MIEF2: variants seen among roughly 807,000 people sequenced by gnomAD.
MIEF2 encodes the protein mitochondrial elongation factor 2.
A neutral mutation model predicts 7.4 loss-of-function variants in MIEF2; 1 was observed. The observed-to-expected ratio is 0.14, with a 90% CI of 0.05 to 0.64. The LOEUF (loss-of-function observed/expected upper bound fraction) is 0.64, where lower values mean the gene tolerates loss of function less well. Ranked by LOEUF, MIEF2 falls within the 30% of genes least tolerant of loss-of-function variation. MIEF2 has a pLI of 0.85. For missense variants in MIEF2, 569 were observed against 623.9 expected (o/e 0.91, Z 0.94); for synonymous variants, 275 against 290.5 (o/e 0.95, Z 0.54).
chr17:18,263,271 T>C (rs1597938374), intron 3 of MIEF2, 23 bp downstream of exon 3: 2 of 1,613,714 alleles, frequency 1.2e-6, no homozygotes, highest in Non-Finnish European at 1.7e-6. Context: ...CCTTCCCCTC[T>C]TTTGGTGTCA....
Position 18,262,742 on chromosome 17 carries a change from C to T in MIEF2, c.22C>T (p.Arg8Trp), listed in dbSNP as rs778070950. The change falls in exon 2 of 4, where the codon CGG becomes TGG. Residue 8 changes from arginine (R) to tryptophan (W), a missense_variant. Physicochemically the swap from Arg to Trp is moderately radical, Grantham distance 101 (BLOSUM62 -3). Transcript: ENST00000323019. Reference sequence around the variant, plus strand: ...GACCATGGCAGAGTTCTCCCAGAAACGGGGGAAGCGGCGTAGCGACGAAGG... The same window carrying T: ...GACCATGGCAGAGTTCTCCCAGAAATGGGGGAAGCGGCGTAGCGACGAAGG... MAEFSQKRGKRRSDEGLG... is the reference protein window; with the variant it reads MAEFSQKWGKRRSDEGLG... 34 of 1,607,876 alleles carry T rather than the reference C, an allele frequency of 2.1e-5. No homozygotes were observed. Among genetic ancestry groups the T allele is most frequent in the African/African-American group, 5.3e-5 (4 of 74,872 alleles).
chr17:18,263,799 T>G lies in MIEF2; in HGVS notation c.400T>G (p.Phe134Val), dbSNP rs1005362433. 2 of 1,610,246 alleles carry G rather than the reference T, an allele frequency of 1.2e-6. No individual in the cohort carries two copies. The highest frequency in any genetic ancestry group is 2.7e-5 in the African/African-American group (2 of 74,934). ...GACACTGCAGGAGAGGCTGCTGGCC[T>G]TCGAGCGGGACCGTGTGACCATCCC... Reference protein sequence around the residue: ...CLTLQERLLAFERDRVTIPAA... With the variant: ...CLTLQERLLAVERDRVTIPAA... Residue 134 changes from phenylalanine to valine, a missense_variant, in exon 4 of 4, where the codon TTC (phenylalanine) becomes GTC (valine). Coordinates refer to ENST00000323019, the MANE Select transcript of MIEF2 (RefSeq NM_139162.4).
intron 1 of MIEF2, 148 bp downstream of exon 1, chr17:18,260,885 T>TC: frequency 1.8e-6 from 1 of 562,506 alleles, no homozygotes; most frequent in Non-Finnish European, 3.2e-6. Context: ...AGCGTTCGAA[T>TC]CCTAGCCCAG....
chr17:18,261,451 G>C (rs1978412279), intron 1 of MIEF2, among the ~76,000 whole-genome samples: 1 of 152,222 alleles, frequency 6.6e-6, no homozygotes, highest in African/African-American at 2.4e-5. Context: ...TGGCAGGGCA[G>C]GTAGAAGTCC....
At position 18,265,411 on chromosome 17, in the gene MIEF2, T is replaced by TG. The variant is rs1387295748; in HGVS notation, c.*648dup. 1 of 152,350 alleles carries TG rather than the reference T, an allele frequency of 6.6e-6. No individual in the cohort carries two copies. Among genetic ancestry groups the TG allele is most frequent in the African/African-American group, 2.4e-5 (1 of 41,410 alleles). The allele number at this position is 152,350 out of a possible 1,614,324, so 9.4% of individuals were successfully genotyped here. ...AAGGCCCTTTTTCCCTCCAGCCAGG[T>TG]GAGTGTTTTCTTCAGGCAGCTGAGG... is the stretch of plus-strand genomic sequence containing the variant. On this transcript the variant is annotated 3_prime_UTR_variant, in exon 4 of 4. Transcript: ENST00000323019.
chr17:18,265,778 A>G lies in MIEF2; in HGVS notation c.*1014A>G, dbSNP rs1480466558. 1 of 152,506 alleles carries G rather than the reference A, an allele frequency of 6.6e-6. No individual in the cohort carries two copies. The highest frequency in any genetic ancestry group is 1.5e-5 in the Non-Finnish European group (1 of 68,054). 9.4% of individuals were successfully genotyped at this position (152,506 alleles called of 1,614,324 possible). The stretch of plus-strand genomic sequence containing the variant: ...AAAAGGAAAAAATTCTAATGTATAT[A>G]TAACTCAGGCTGGATAAGGGAGTCT... On this transcript the variant is annotated 3_prime_UTR_variant, in exon 4 of 4. Coordinates refer to ENST00000323019, the MANE Select transcript of MIEF2 (RefSeq NM_139162.4).
Position 18,262,865 on chromosome 17 carries a change from C to T in MIEF2, c.145C>T (p.Arg49Trp), listed in dbSNP as rs148638315. The T allele has an allele frequency of 4.6e-6, 7 of 1,536,956 alleles. No homozygotes were observed. Among genetic ancestry groups the T allele is most frequent in the East Asian group, 2.3e-5 (1 of 44,062 alleles). The change falls in exon 2 of 4, where the codon CGG (arginine) becomes TGG (tryptophan). Residue 49 changes from arginine to tryptophan, a missense_variant and splice_region_variant. Coordinates refer to ENST00000323019, the MANE Select transcript of MIEF2 (RefSeq NM_139162.4). ...GGGCATTGCCACCCTGGCCGTGAAG[C>T]GGGTAAGGCCAAGTGGGCGGGTCAT... is the stretch of plus-strand genomic sequence containing the variant. ...VLGIATLAVK[R>W]FIDRATSPRD...
At chr17:18,263,471 G>A (rs1440606069) in intron 3 of MIEF2, 1 of 850,798 alleles carries the variant, frequency 1.2e-6, no homozygotes, top group South Asian at 1.4e-5. Flanking sequence ...GTCCAGAGGG[G>A]CGTGACATAC....
rs890594766 is a variant in MIEF2, at chr17:18,265,567, G to T, written c.*803G>T. On this transcript the variant is annotated 3_prime_UTR_variant, in exon 4 of 4. Coordinates refer to ENST00000323019, the MANE Select transcript of MIEF2 (RefSeq NM_139162.4). ...CTAGAGAGGTCCGGTGTGCACAGCC[G>T]GCCTCCCAGTGTGCCAAAATGAACT... 1 of 152,328 alleles carries T rather than the reference G, an allele frequency of 6.6e-6. No homozygotes were observed. The highest frequency in any genetic ancestry group is 2.4e-5 in the African/African-American group (1 of 41,560). 9.4% of individuals were successfully genotyped at this position (152,328 alleles called of 1,614,324 possible). A position where few individuals can be genotyped will look rare whatever the true frequency, so the allele number is the denominator to read the frequency against.
intron 1 of MIEF2, among the ~76,000 whole-genome samples, chr17:18,262,380 G>A (rs2142902805): frequency 6.6e-6 from 1 of 152,326 alleles, no homozygotes; most frequent in Middle Eastern, 3.4e-3. Context: ...ACAAGCCTCA[G>A]GGCCTTTGTG....
rs557839607 is a variant in MIEF2, at chr17:18,265,839, T to G, written c.*1075T>G. The G allele has an allele frequency of 6.6e-6, 1 of 152,584 alleles. No individual in the cohort carries two copies. Among genetic ancestry groups the G allele is most frequent in the East Asian group, 1.9e-4 (1 of 5,192 alleles). The allele number at this position is 152,584 out of a possible 1,614,324, so 9.5% of individuals were successfully genotyped here. On this transcript the variant is annotated 3_prime_UTR_variant, in exon 4 of 4. Coordinates refer to ENST00000323019, the MANE Select transcript of MIEF2 (RefSeq NM_139162.4). ...ATACGCAGCTGTTGAGGGTTTTCTG[T>G]AAGTCCTGTGGCTTGTCCTGGCACT... is the stretch of plus-strand genomic sequence containing the variant.
chr17:18,262,325 C>A (rs1349390608), intron 1 of MIEF2, among the ~76,000 whole-genome samples: 1 of 152,126 alleles, frequency 6.6e-6, no homozygotes, highest in East Asian at 1.9e-4. Flanking sequence ...TGTCAGAGGT[C>A]CTGGAGGGTG....
Position 18,263,138 on chromosome 17 carries a change from G to A in MIEF2, c.200G>A (p.Ser67Asn). 1 of 1,613,642 alleles carries A rather than the reference G, an allele frequency of 6.2e-7. No individual in the cohort carries two copies. Among genetic ancestry groups the A allele is most frequent in the Non-Finnish European group, 8.5e-7 (1 of 1,180,042 alleles). Residue 67 changes from serine (S) to asparagine (N), a missense_variant, in exon 3 of 4, where the codon AGC becomes AAC. Physicochemically the swap from Ser to Asn is conservative, Grantham distance 46. Transcript: ENST00000323019. ...GATGAGGATGACACCAAGGCAGACA[G>A]CTGGAAGGAACTGAGCCTGCTCAAG... Reference protein sequence around the residue: ...PRDEDDTKADSWKELSLLKAT... With the variant: ...PRDEDDTKADNWKELSLLKAT...
Position 18,263,629 on chromosome 17 carries a change from A to G in MIEF2, c.311-81A>G, listed in dbSNP as rs936131911. ...GGTGAGAAAAGTGAGGCCCTGGGAC[A>G]TCACACAGCTAGTTCTCGGTGGCGT... On this transcript the variant is annotated intron_variant, in intron 3 of 3. Coordinates refer to ENST00000323019, the MANE Select transcript of MIEF2 (RefSeq NM_139162.4). 3.4e-6 allele frequency: 5 copies of G among 1,453,142 alleles called. No homozygotes were observed. The African/African-American group carries it at 7.1e-5, about 21-fold the overall frequency. The allele number at this position is 1,453,142 out of a possible 1,614,324, so 90.0% of individuals were successfully genotyped here. A position where few individuals can be genotyped will look rare whatever the true frequency, so the allele number is the denominator to read the frequency against.
Position 18,263,029 on chromosome 17 carries a change from G to A in MIEF2, c.148-57G>A. 4 of 1,591,748 alleles carry A rather than the reference G, an allele frequency of 2.5e-6. 1 individual carries two copies. In the South Asian group the frequency reaches 4.5e-5, roughly 18 times the overall value. On this transcript the variant is annotated intron_variant, in intron 2 of 3. Coordinates refer to ENST00000323019, the MANE Select transcript of MIEF2 (RefSeq NM_139162.4). The stretch of plus-strand genomic sequence containing the variant: ...AGCACGCTGGTCTGCTTTGCCCTGG[G>A]CTTTGCTATGACTGCCCAGATTTCA...
At chr17:18,263,523 C>A in intron 3 of MIEF2, 187 bp from the exon 4 acceptor site, 1 of 901,424 alleles carries the variant, frequency 1.1e-6, no homozygotes. Flanking sequence ...GGGTGTTGGA[C>A]TCTGGGGCAA....
chr17:18,265,887 A>G lies in MIEF2; in HGVS notation c.*1123A>G, dbSNP rs981472289. ...ACTTTGGCAAGAGTGCTTGAGGTCA[A>G]TTGGAGGTGGTAGAGTTTACTTTAA... is the stretch of plus-strand genomic sequence containing the variant. On this transcript the variant is annotated 3_prime_UTR_variant, in exon 4 of 4. Transcript: ENST00000323019. 6 of 152,296 alleles carry G rather than the reference A, an allele frequency of 3.9e-5. No homozygotes were observed. Among genetic ancestry groups the G allele is most frequent in the African/African-American group, 9.6e-5 (4 of 41,460 alleles). 9.4% of individuals were successfully genotyped at this position (152,296 alleles called of 1,614,324 possible).
rs1363791631 is a variant in MIEF2 at position 18,265,504 on chromosome 17, TC to T, written c.*742del. ...AGCTGGGGCATCTCACTGGAGCTGT[TC>T]CAGGCCCCACTGGAGAGCAGAGGAC... On this transcript the variant is annotated 3_prime_UTR_variant, in exon 4 of 4. Coordinates refer to ENST00000323019, the MANE Select transcript of MIEF2 (RefSeq NM_139162.4). 2 of 152,274 alleles carry T rather than the reference TC, an allele frequency of 1.3e-5. No individual in the cohort carries two copies. The highest frequency in any genetic ancestry group is 6.5e-5 in the Admixed American group (1 of 15,286). The allele number at this position is 152,274 out of a possible 1,614,324, so 9.4% of individuals were successfully genotyped here. A position where few individuals can be genotyped will look rare whatever the true frequency, so the allele number is the denominator to read the frequency against.
In MIEF2 at chr17:18,264,186, G is replaced by T; in HGVS notation, c.787G>T (p.Ala263Ser). 6.3e-7 allele frequency: 1 copy of T among 1,597,596 alleles called. No individual in the cohort carries two copies. The stretch of plus-strand genomic sequence containing the variant: ...GCTGGAGCTACTCCGCAAGGCGCTG[G>T]CTGCTTCTGTCAACTGGCCGGCCAT... ...VLLELLRKAL[A>S]ASVNWPAIGS... The change falls in exon 4 of 4, where the codon GCT (alanine) becomes TCT (serine). Residue 263 changes from alanine (A) to serine (S), a missense_variant. Physicochemically the swap from Ala to Ser is moderately conservative, Grantham distance 99. Coordinates refer to ENST00000323019, the MANE Select transcript of MIEF2 (RefSeq NM_139162.4).
Sources: allele counts gnomAD v4.1 joint callset (sites outside exome capture counted in the v4.1 genomes callset), GRCh38; gene constraint gnomAD v4.1.1; transcripts MANE v1.5; gene names NCBI Gene and HGNC (gene_info 2026-07-23, HGNC 2026-07-21).